ATE1: variants seen among roughly 807,000 people sequenced by gnomAD.
ATE1 encodes the protein arginyl-tRNA--protein transferase 1.
ATE1 carries 36 observed loss-of-function variants against 70.5 expected under a neutral mutation model. That is an observed-to-expected ratio of 0.51 (90% confidence interval 0.39 to 0.67). ATE1 has a LOEUF of 0.67. Ranked by LOEUF, ATE1 falls within the 30% of genes least tolerant of loss-of-function variation. The pLI, the probability that ATE1 is intolerant of heterozygous loss-of-function variation, is 0.00. For missense variants in ATE1, 593 were observed against 629.5 expected, an observed-to-expected ratio of 0.94 and a Z score of 0.62; for synonymous variants, 232 against 219.3, an observed-to-expected ratio of 1.06 and a Z score of -0.51.
In ATE1 at chr10:121,908,763, A is replaced by C. The variant is rs139631265; in HGVS notation, c.583+2143T>G. 1.1e-4 allele frequency among the ~76,000 whole-genome samples: 16 copies of C among 152,306 alleles called. No individual in the cohort carries two copies. In the East Asian group the frequency reaches 2.9e-3, roughly 28 times the overall value. On this transcript the variant is annotated intron_variant, in intron 5 of 11. Coordinates refer to ENST00000224652, the MANE Select transcript of ATE1 (RefSeq NM_001001976.3). ...CCCATCCTCAAATAATTCAAACTCA[A>C]ATCTGATTAAGACTTGCCCCCCTGC...
At chr10:121,915,498 GC>G (rs1951612179) in intron 3 of ATE1, among the ~76,000 whole-genome samples, 1 of 152,072 alleles carries the variant, frequency 6.6e-6, no homozygotes, top group African/African-American at 2.4e-5. Context: ...GATGGGACGA[GC>G]CCCCAGATAA....
intron 11 of ATE1, among the ~76,000 whole-genome samples, chr10:121,767,026 T>C (rs1945305811): frequency 6.6e-6 from 1 of 152,174 alleles, no homozygotes; most frequent in Non-Finnish European, 1.5e-5. Flanking sequence ...GTAGAAGTCC[T>C]TAACAAAATA....
intron 1 of ATE1, among the ~76,000 whole-genome samples, chr10:121,925,890 A>G (rs1952069162): frequency 6.8e-6 from 1 of 147,154 alleles, no homozygotes; most frequent in Non-Finnish European, 1.5e-5. Context: ...TGCCTCTTAA[A>G]AAAAAAAAAA....
chr10:121,915,288 A>C (rs559688820), intron 3 of ATE1, among the ~76,000 whole-genome samples: 1 of 152,308 alleles, frequency 6.6e-6, no homozygotes, highest in South Asian at 2.1e-4. Flanking sequence ...GAAATGTAAA[A>C]ATTAAGTAGA....
chr10:121,912,577 G>A (rs904457902), intron 4 of ATE1, among the ~76,000 whole-genome samples: 57 of 151,588 alleles, frequency 3.8e-4, no homozygotes, highest in Non-Finnish European at 5.4e-4. Flanking sequence ...CCTTGAACCC[G>A]GGAGGTGGAG....
intron 10 of ATE1, among the ~76,000 whole-genome samples, chr10:121,830,006 T>C (rs897900189): frequency 2.6e-5 from 4 of 152,242 alleles, no homozygotes; most frequent in Admixed American, 6.5e-5. Context: ...TCTCTAGTTC[T>C]AGACCTTCAA....
chr10:121,922,439 G>A (rs1387892286), intron 2 of ATE1, 28 bp from the exon 3 acceptor site: 5 of 1,443,800 alleles, frequency 3.5e-6, no homozygotes, highest in Admixed American at 1.8e-5. Flanking sequence ...GTTTGTTAAT[G>A]TCTTATATAT....
chr10:121,906,558 ATGCAGGTTTGCTTT>A (rs1951200311), intron 5 of ATE1, among the ~76,000 whole-genome samples: 2 of 136,232 alleles, frequency 1.5e-5, no homozygotes, highest in African/African-American at 5.1e-5. Flanking sequence ...TAAAAAGGAA[ATGCAGGTTTGCTTT>A]TGCAGGTTCC....
chr10:121,900,723 T>G (rs1272088671), intron 6 of ATE1, among the ~76,000 whole-genome samples: 2 of 152,224 alleles, frequency 1.3e-5, no homozygotes, highest in African/African-American at 4.8e-5. Flanking sequence ...GACGTAATTC[T>G]ATGAAGAAAG....
At chr10:121,843,502 T>C (rs1948707232) in intron 8 of ATE1, among the ~76,000 whole-genome samples, 1 of 151,964 alleles carries the variant, frequency 6.6e-6, no homozygotes, top group African/African-American at 2.4e-5. Flanking sequence ...AAGAAAAAAG[T>C]TGGAAAAAAC....
chr10:121,881,355 A>T (rs888855021), intron 7 of ATE1, among the ~76,000 whole-genome samples: 1 of 152,212 alleles, frequency 6.6e-6, no homozygotes, highest in African/African-American at 2.4e-5. Context: ...GCTATGGATT[A>T]CAGTACCCCA....
chr10:121,842,429 A>G (rs972462888), intron 8 of ATE1, among the ~76,000 whole-genome samples: 1 of 152,190 alleles, frequency 6.6e-6, no homozygotes, highest in African/African-American at 2.4e-5. Context: ...ATTTTCACAC[A>G]GCTAAAATCA....
At chr10:121,829,827 A>G (rs780969028) in intron 10 of ATE1, among the ~76,000 whole-genome samples, 2 of 152,236 alleles carry the variant, frequency 1.3e-5, no homozygotes, top group Non-Finnish European at 2.9e-5. Flanking sequence ...ATACTTTACA[A>G]TGTGGCAAAA....
intron 4 of ATE1, among the ~76,000 whole-genome samples, chr10:121,911,759 T>A (rs1476834525): frequency 6.6e-6 from 1 of 152,134 alleles, no homozygotes; most frequent in Admixed American, 6.5e-5. Context: ...AACAGACTTT[T>A]TTTTTTTTGA....
chr10:121,842,518 A>C (rs1211155171), intron 8 of ATE1, among the ~76,000 whole-genome samples: 2 of 152,074 alleles, frequency 1.3e-5, no homozygotes, highest in African/African-American at 4.8e-5. Flanking sequence ...CAAGCAAAAA[A>C]ATCAAGAAAA....
intron 5 of ATE1, among the ~76,000 whole-genome samples, chr10:121,903,738 C>A (rs2134338274): frequency 6.6e-6 from 1 of 152,100 alleles, no homozygotes; most frequent in South Asian, 2.1e-4. Flanking sequence ...TGTCTTTCTC[C>A]AAATACTGCA....
intron 2 of ATE1, among the ~76,000 whole-genome samples, chr10:121,922,754 T>C (rs556266249): frequency 3.3e-5 from 5 of 152,320 alleles, no homozygotes; most frequent in South Asian, 2.1e-4. Flanking sequence ...GGGACTCATG[T>C]ATGTGATGCC....
At chr10:121,782,102 G>A (rs145909658) in intron 11 of ATE1, among the ~76,000 whole-genome samples, 1,538 of 152,274 alleles carry the variant, frequency 0.01, 15 homozygotes, top group Non-Finnish European at 0.015. Context: ...AAAAAATGCA[G>A]AGACTCCATT....
chr10:121,877,851 T>C (rs566750919), intron 7 of ATE1, among the ~76,000 whole-genome samples: 1 of 152,302 alleles, frequency 6.6e-6, no homozygotes, highest in African/African-American at 2.4e-5. Context: ...GCTGAAGATG[T>C]TTACTCCATG....
Sources: allele counts gnomAD v4.1 joint callset (sites outside exome capture counted in the v4.1 genomes callset), GRCh38; gene constraint gnomAD v4.1.1; transcripts MANE v1.5; gene names NCBI Gene and HGNC (gene_info 2026-07-23, HGNC 2026-07-21).